Variants in PHACTR3 observed in about 807,000 individuals in gnomAD.
PHACTR3 encodes phosphatase and actin regulator 3.
Under a neutral mutation model 66.8 loss-of-function variants are expected in PHACTR3, and 16 were observed. The observed-to-expected ratio is 0.24, with a 90% confidence interval of 0.16 to 0.36. The LOEUF (loss-of-function observed/expected upper bound fraction) is 0.36, where lower values mean the gene tolerates loss of function less well. PHACTR3 is among the 10% of genes least tolerant of loss of function. The probability of loss-of-function intolerance (pLI) is 1.00; values close to 1 mark genes in which losing one functional copy is unlikely to be tolerated. For missense variants in PHACTR3, 647 were observed against 719.9 expected, an observed-to-expected ratio of 0.90 and a Z score of 1.16; for synonymous variants, 323 against 292.1, an observed-to-expected ratio of 1.11 and a Z score of -1.08.
At chr20:59,626,492 G>A (rs540564501) in intron 1 of PHACTR3, 3 of 152,496 alleles carry the variant, frequency 2.0e-5, no homozygotes, top group Admixed American at 2.0e-4. Flanking sequence ...GACTACCCTC[G>A]AGAAGAGCAC....
intron 8 of PHACTR3, among the ~76,000 whole-genome samples, chr20:59,832,004 G>T (rs1487875441): frequency 6.6e-6 from 1 of 152,170 alleles, no homozygotes; most frequent in East Asian, 1.9e-4. Context: ...TGTGGGGCAG[G>T]GGTGGTGGCC....
intron 1 of PHACTR3, among the ~76,000 whole-genome samples, chr20:59,660,510 CA>C (rs946556554): frequency 5.3e-5 from 8 of 152,114 alleles, no homozygotes; most frequent in East Asian, 1.9e-4. Context: ...AACAAACAAA[CA>C]AAAAACTCAC....
intron 1 of PHACTR3, among the ~76,000 whole-genome samples, chr20:59,671,159 G>A (rs910346780): frequency 9.9e-5 from 15 of 152,152 alleles, no homozygotes; most frequent in African/African-American, 3.4e-4. Flanking sequence ...AAAATCACAG[G>A]AGCCAACTGA....
intron 10 of PHACTR3, 89 bp from the exon 11 acceptor site, chr20:59,841,306 G>C: frequency 7.4e-7 from 1 of 1,347,706 alleles, no homozygotes; most frequent in Non-Finnish European, 1.0e-6. Flanking sequence ...GTTTTGTTTT[G>C]TTTTTTAAGA....
At chr20:59,836,691 C>A in intron 9 of PHACTR3, 131 bp downstream of exon 9, 1 of 818,108 alleles carries the variant, frequency 1.2e-6, no homozygotes, top group Non-Finnish European at 1.9e-6. Context: ...ACCTGAGCTG[C>A]TGCTGAATTC....
intron 11 of PHACTR3, chr20:59,844,891 A>C (rs8125930): frequency 5.6e-4 from 103 of 184,626 alleles, no homozygotes; most frequent in African/African-American, 2.3e-3. Context: ...TAAATACTTG[A>C]TCATCACACA....
chr20:59,597,582 G>A (rs1315188497), intron 1 of PHACTR3, among the ~76,000 whole-genome samples: 3 of 152,190 alleles, frequency 2.0e-5, no homozygotes, highest in African/African-American at 7.2e-5. Context: ...TACCTGATTT[G>A]GGTAGTTTCA....
intron 8 of PHACTR3, among the ~76,000 whole-genome samples, chr20:59,827,711 A>G (rs758459718): frequency 1.3e-5 from 2 of 152,122 alleles, no homozygotes; most frequent in African/African-American, 4.8e-5. Context: ...TCCAGGGGAC[A>G]TATTTCTCCT....
Position 59,736,808 on chromosome 20 carries a change from A to G in PHACTR3, c.119-6299A>G, listed in dbSNP as rs1368542984. Reference sequence around the variant, plus strand: ...TGGGCGGAGAGTCATAGCTCTCACAAGCCCTCCCCTGGCACAGTCCTGGGC... The same window carrying G: ...TGGGCGGAGAGTCATAGCTCTCACAGGCCCTCCCCTGGCACAGTCCTGGGC... On this transcript the variant is annotated intron_variant, in intron 1 of 12. Coordinates refer to ENST00000371015, the MANE Select transcript of PHACTR3 (RefSeq NM_080672.5). This position sits in a 1 kb window ranked among gnomAD's most constrained non-coding sequence, Gnocchi z 4.6. 1.3e-5 allele frequency among the ~76,000 whole-genome samples: 2 copies of G among 152,150 alleles called. No individual in the cohort carries two copies. Among genetic ancestry groups the G allele is most frequent in the African/African-American group, 2.4e-5 (1 of 41,448 alleles).
chr20:59,735,084 C>G (rs2038902087), intron 1 of PHACTR3, among the ~76,000 whole-genome samples: 1 of 152,116 alleles, frequency 6.6e-6, no homozygotes, highest in African/African-American at 2.4e-5. Context: ...AGACAATGGT[C>G]TCCACGTATT....
At chr20:59,810,112 A>G (rs2041691254) in intron 8 of PHACTR3, among the ~76,000 whole-genome samples, 1 of 152,248 alleles carries the variant, frequency 6.6e-6, no homozygotes, top group Non-Finnish European at 1.5e-5. Flanking sequence ...TAAGTAATGG[A>G]AGATAGTACA....
chr20:59,816,232 C>G (rs915687867), intron 8 of PHACTR3, among the ~76,000 whole-genome samples: 1 of 152,040 alleles, frequency 6.6e-6, no homozygotes, highest in Non-Finnish European at 1.5e-5. Context: ...TGCTGAGAAT[C>G]GAATGCTGCT....
chr20:59,590,678 A>G (rs897576088), intron 1 of PHACTR3, among the ~76,000 whole-genome samples: 1 of 152,178 alleles, frequency 6.6e-6, no homozygotes, highest in African/African-American at 2.4e-5. Flanking sequence ...GGCTACAACA[A>G]CAAAATATCT....
chr20:59,738,858 C>T lies in PHACTR3; in HGVS notation c.119-4249C>T, dbSNP rs1298647936. Among the ~76,000 whole-genome samples, 3 of 152,168 alleles carry T rather than the reference C, an allele frequency of 2.0e-5. No homozygotes were observed. Among genetic ancestry groups the T allele is most frequent in the African/African-American group, 4.8e-5 (2 of 41,426 alleles). ...CATCCCTGGAGATCTTCGTCTTCAT[C>T]TTCAGCTGAGCTTGGAGGCTTGGGG... On this transcript the variant is annotated intron_variant, in intron 1 of 12. Coordinates refer to ENST00000371015, the MANE Select transcript of PHACTR3 (RefSeq NM_080672.5). This position sits in a 1 kb window ranked among gnomAD's most constrained non-coding sequence, Gnocchi z 4.4.
At chr20:59,628,664 T>C (rs1663710520) in intron 1 of PHACTR3, 1 of 985,436 alleles carries the variant, frequency 1.0e-6, no homozygotes, top group South Asian at 4.7e-5. Flanking sequence ...TCCTGACTCC[T>C]GGTTGGTCTC....
chr20:59,755,503 G>A (rs2039754723), intron 4 of PHACTR3, 139 bp downstream of exon 4: 1 of 967,930 alleles, frequency 1.0e-6, no homozygotes. Context: ...TCTAAGCGCT[G>A]CCATGCTGTG....
intron 1 of PHACTR3, among the ~76,000 whole-genome samples, chr20:59,711,497 C>T (rs1179738328): frequency 6.6e-6 from 1 of 152,096 alleles, no homozygotes; most frequent in African/African-American, 2.4e-5. Context: ...TACAGATTCC[C>T]CTCAACTTAC....
chr20:59,657,801 T>TCTTTGC (rs2035670566), intron 1 of PHACTR3, among the ~76,000 whole-genome samples: 1 of 152,198 alleles, frequency 6.6e-6, no homozygotes, highest in Non-Finnish European at 1.5e-5. Flanking sequence ...GCATTTATAC[T>TCTTTGC]ATTTAGAATT....
chr20:59,723,074 C>G (rs2038396886), intron 1 of PHACTR3, among the ~76,000 whole-genome samples: 1 of 132,848 alleles, frequency 7.5e-6, no homozygotes, highest in Non-Finnish European at 1.6e-5. Flanking sequence ...TTCTTTCTTT[C>G]TTTCTTTCTT....
Sources: allele counts gnomAD v4.1 joint callset (sites outside exome capture counted in the v4.1 genomes callset), GRCh38; gene constraint gnomAD v4.1.1; non-coding constraint Gnocchi (gnomAD v3.1); transcripts MANE v1.5; gene names NCBI Gene and HGNC (gene_info 2026-07-23, HGNC 2026-07-21).